The following CAPZB variants were observed in gnomAD, a reference collection of about 807,000 sequenced individuals.
CAPZB encodes capping actin protein of muscle Z-line subunit beta.
Under a neutral mutation model 38.1 loss-of-function variants are expected in CAPZB, and 2 were observed. That is an observed-to-expected ratio of 0.05 (90% CI 0.02 to 0.17). CAPZB has a LOEUF of 0.17. Ranked by LOEUF, CAPZB falls within the 10% of genes least tolerant of loss-of-function variation. The pLI is 1.00. For missense variants in CAPZB, 161 were observed against 334.2 expected (o/e 0.48, Z 4.04); for synonymous variants, 107 against 127.4 (o/e 0.84, Z 1.08).
At chr1:19,481,882 C>T (rs2094630293) in intron 1 of CAPZB, among the ~76,000 whole-genome samples, 1 of 152,186 alleles carries the variant, frequency 6.6e-6, no homozygotes, top group Admixed American at 6.5e-5. Flanking sequence ...ATGACATCCC[C>T]ACCCCTCAAC....
At chr1:19,449,978 C>T (rs2094509274) in intron 1 of CAPZB, among the ~76,000 whole-genome samples, 1 of 150,928 alleles carries the variant, frequency 6.6e-6, no homozygotes, top group Non-Finnish European at 1.5e-5. Flanking sequence ...TCTGTCTCTA[C>T]AAATAATTAA....
chr1:19,469,357 T>C (rs10917454), intron 1 of CAPZB, among the ~76,000 whole-genome samples: 69,728 of 152,032 alleles, frequency 0.46, 16,280 homozygotes, highest in Admixed American at 0.53. Context: ...TTTCCATTCA[T>C]GGTAAGGACA....
intron 1 of CAPZB, among the ~76,000 whole-genome samples, chr1:19,478,540 G>A (rs970920897): frequency 6.6e-6 from 1 of 152,188 alleles, no homozygotes; most frequent in Non-Finnish European, 1.5e-5. Context: ...ATCCAGAGAT[G>A]TCAGAAACAT....
At chr1:19,443,012 T>C (rs2094483539) in intron 1 of CAPZB, among the ~76,000 whole-genome samples, 1 of 152,096 alleles carries the variant, frequency 6.6e-6, no homozygotes, top group Non-Finnish European at 1.5e-5. Context: ...CTTCATACCC[T>C]TCCCCCAACA....
At chr1:19,426,717 G>A (rs1388370037) in intron 1 of CAPZB, among the ~76,000 whole-genome samples, 1 of 152,162 alleles carries the variant, frequency 6.6e-6, no homozygotes, top group African/African-American at 2.4e-5. Context: ...CTATCTGACT[G>A]CAATAGTATG....
chr1:19,346,990 T>TTTTTTA (rs1293207144), intron 6 of CAPZB, among the ~76,000 whole-genome samples: 5 of 151,052 alleles, frequency 3.3e-5, no homozygotes, highest in East Asian at 3.9e-4. Flanking sequence ...CGTCCGGCTT[T>TTTTTTA]TTTTTATTTT....
chr1:19,477,409 C>G lies in CAPZB; in HGVS notation c.3+8027G>C, dbSNP rs546383951. On this transcript the variant is annotated intron_variant, in intron 1 of 8. Coordinates refer to ENST00000264202, the MANE Select transcript of CAPZB (RefSeq NM_004930.5). ...GACAACAGCTCACATTGGAAATTCTCAGCAGAGGAACTAACAGCCAAGCCT... is the reference window on the plus strand; with the variant it reads ...GACAACAGCTCACATTGGAAATTCTGAGCAGAGGAACTAACAGCCAAGCCT... Among the ~76,000 whole-genome samples, 54 of 152,366 alleles carry G rather than the reference C, an allele frequency of 3.5e-4. No homozygotes were observed. In the South Asian group the frequency reaches 5.0e-3, roughly 14 times the overall value.
At chr1:19,347,195 G>T (rs548466387) in intron 6 of CAPZB, among the ~76,000 whole-genome samples, 3 of 151,976 alleles carry the variant, frequency 2.0e-5, no homozygotes, top group African/African-American at 7.3e-5. Flanking sequence ...ACGCTAGCTC[G>T]AAACTGATCC....
intron 4 of CAPZB, among the ~76,000 whole-genome samples, chr1:19,373,455 A>G (rs1038458664): frequency 6.6e-6 from 1 of 152,180 alleles, no homozygotes; most frequent in African/African-American, 2.4e-5. Flanking sequence ...GAGCCTTTAC[A>G]GAGCCAGGGA....
chr1:19,365,931 G>C (rs747538041), intron 4 of CAPZB, among the ~76,000 whole-genome samples: 2 of 152,258 alleles, frequency 1.3e-5, no homozygotes, highest in East Asian at 3.9e-4. Context: ...CTGGAATGCC[G>C]GCTGAAGAGC....
intron 1 of CAPZB, among the ~76,000 whole-genome samples, chr1:19,463,828 C>G (rs1033232633): frequency 6.6e-6 from 1 of 152,108 alleles, no homozygotes; most frequent in African/African-American, 2.4e-5. Context: ...ATTTCACCCT[C>G]TATGTTAAAA....
chr1:19,343,161 G>A (rs1246373047), intron 8 of CAPZB, among the ~76,000 whole-genome samples: 1 of 152,246 alleles, frequency 6.6e-6, no homozygotes, highest in African/African-American at 2.4e-5. Flanking sequence ...TGTGTTTGGT[G>A]TATCGGGCAG....
chr1:19,396,009 C>T (rs913511910), intron 2 of CAPZB, among the ~76,000 whole-genome samples: 3 of 152,268 alleles, frequency 2.0e-5, no homozygotes, highest in Non-Finnish European at 4.4e-5. Context: ...CACCTTTCTT[C>T]CCCGTGTTCC....
intron 3 of CAPZB, among the ~76,000 whole-genome samples, chr1:19,382,952 TTCTC>T (rs2094183051): frequency 6.6e-6 from 1 of 152,080 alleles, no homozygotes; most frequent in Non-Finnish European, 1.5e-5. Context: ...TTCACTGGAC[TTCTC>T]TCTCTAAGGG....
intron 2 of CAPZB, among the ~76,000 whole-genome samples, chr1:19,405,823 C>T (rs1454374780): frequency 6.6e-6 from 1 of 152,234 alleles, no homozygotes; most frequent in Non-Finnish European, 1.5e-5. Flanking sequence ...CCATCTGGAA[C>T]ATCAATTCGA....
chr1:19,462,615 C>T (rs145025797), intron 1 of CAPZB, among the ~76,000 whole-genome samples: 7 of 152,244 alleles, frequency 4.6e-5, no homozygotes, highest in African/African-American at 9.6e-5. Context: ...ACGAAGTAAG[C>T]GCATTGAATA....
chr1:19,448,757 G>T, intron 1 of CAPZB: 1 of 1,531,084 alleles, frequency 6.5e-7, no homozygotes, highest in Non-Finnish European at 9.0e-7. Context: ...CTTCACCCTG[G>T]CAGTTAACAT....
intron 4 of CAPZB, among the ~76,000 whole-genome samples, chr1:19,365,702 T>C (rs754595657): frequency 6.6e-6 from 1 of 151,578 alleles, no homozygotes; most frequent in Non-Finnish European, 1.5e-5. Context: ...GGCGTGGTGG[T>C]GCATGCCTGT....
chr1:19,342,991 C>T (rs576953309), intron 8 of CAPZB: 31 of 688,512 alleles, frequency 4.5e-5, no homozygotes, highest in Middle Eastern at 7.0e-4. Flanking sequence ...GATGCCGTGG[C>T]GGCTCTGGGG....
Sources: allele counts gnomAD v4.1 joint callset (sites outside exome capture counted in the v4.1 genomes callset), GRCh38; gene constraint gnomAD v4.1.1; transcripts MANE v1.5; gene names NCBI Gene and HGNC (gene_info 2026-07-23, HGNC 2026-07-21).